Variants in CERS6 observed in about 807,000 individuals in gnomAD.
CERS6 encodes LAG1 homolog, ceramide synthase 6.
Under a neutral mutation model 56.8 loss-of-function variants are expected in CERS6, and 26 were observed. That is an observed-to-expected ratio of 0.46 (90% CI 0.34 to 0.63). The LOEUF (loss-of-function observed/expected upper bound fraction) is 0.63. CERS6 is among the 30% of genes least tolerant of loss of function. The pLI is 0.01. For missense variants in CERS6, 415 were observed against 467.5 expected (o/e 0.89, Z 1.04); for synonymous variants, 164 against 173.3 (o/e 0.95, Z 0.42).
At chr2:168,631,180 T>G in intron 4 of CERS6, 138 bp downstream of exon 4, 1 of 490,442 alleles carries the variant, frequency 2.0e-6, no homozygotes, top group Non-Finnish European at 3.7e-6. Context: ...TGCATTTTCA[T>G]TTGACTTACA....
intron 1 of CERS6, among the ~76,000 whole-genome samples, chr2:168,470,992 C>G (rs1180269385): frequency 2.0e-5 from 3 of 146,808 alleles, no homozygotes; most frequent in Non-Finnish European, 4.5e-5. Flanking sequence ...CTGTGGGTCT[C>G]TAAGCTTTAA....
intron 1 of CERS6, among the ~76,000 whole-genome samples, chr2:168,511,513 C>G: frequency 6.6e-6 from 1 of 152,096 alleles, no homozygotes; most frequent in East Asian, 1.9e-4. Flanking sequence ...TCTGAAATTT[C>G]CCAGTGTTGG....
chr2:168,769,149 A>G (rs1306026698), intron 9 of CERS6, among the ~76,000 whole-genome samples: 4 of 152,176 alleles, frequency 2.6e-5, no homozygotes, highest in African/African-American at 7.2e-5. Context: ...TGTGATCATC[A>G]ATGAGTAAAT....
intron 8 of CERS6, among the ~76,000 whole-genome samples, chr2:168,736,305 A>G (rs1683716509): frequency 6.6e-6 from 1 of 152,184 alleles, no homozygotes; most frequent in South Asian, 2.1e-4. Context: ...CATGTACACA[A>G]TGAGGACCTT....
chr2:168,480,441 T>C (rs150758674), intron 1 of CERS6, among the ~76,000 whole-genome samples: 355 of 152,276 alleles, frequency 2.3e-3, no homozygotes, highest in Non-Finnish European at 3.1e-3. Context: ...AAGAGAACTT[T>C]GAAATTATAA....
At chr2:168,487,658 A>AGCTACTTTTATGTGTTTTCCT (rs1665251651) in intron 1 of CERS6, among the ~76,000 whole-genome samples, 2 of 152,138 alleles carry the variant, frequency 1.3e-5, no homozygotes, top group African/African-American at 4.8e-5. Flanking sequence ...TTTTTTCTTA[A>AGCTACTTTTATGTGTTTTCCT]GCTACTTTTA....
chr2:168,460,376 T>C (rs764753398), intron 1 of CERS6, among the ~76,000 whole-genome samples: 5 of 152,008 alleles, frequency 3.3e-5, no homozygotes, highest in Non-Finnish European at 5.9e-5. Context: ...TTGTAATTTT[T>C]TGTAGAGATG....
At chr2:168,577,869 CTTTG>C (rs767842146) in intron 3 of CERS6, among the ~76,000 whole-genome samples, 98 of 152,220 alleles carry the variant, frequency 6.4e-4, no homozygotes, top group African/African-American at 2.2e-3. Context: ...TGATTAATTT[CTTTG>C]TTTGGCCTAT....
chr2:168,749,382 C>G (rs1045679207), intron 8 of CERS6, among the ~76,000 whole-genome samples: 3 of 152,190 alleles, frequency 2.0e-5, no homozygotes, highest in Non-Finnish European at 4.4e-5. Flanking sequence ...CAAGCCCATC[C>G]CATATAGGCA....
chr2:168,746,084 G>T (rs1163501253), intron 8 of CERS6, among the ~76,000 whole-genome samples: 1 of 152,162 alleles, frequency 6.6e-6, no homozygotes, highest in Non-Finnish European at 1.5e-5. Flanking sequence ...GGTTGAGTGG[G>T]CTCCCAGTGG....
At chr2:168,565,272 G>A (rs569002415) in intron 3 of CERS6, among the ~76,000 whole-genome samples, 5 of 152,262 alleles carry the variant, frequency 3.3e-5, no homozygotes, top group South Asian at 4.1e-4. Flanking sequence ...GATGCATTTC[G>A]CAATCACCTA....
At chr2:168,649,119 G>A (rs1304854250) in intron 4 of CERS6, among the ~76,000 whole-genome samples, 1 of 152,024 alleles carries the variant, frequency 6.6e-6, no homozygotes, top group Non-Finnish European at 1.5e-5. Flanking sequence ...GAGAAGGATG[G>A]GTCGTTAGCT....
chr2:168,534,834 G>T (rs1695231163), intron 1 of CERS6, among the ~76,000 whole-genome samples: 1 of 152,202 alleles, frequency 6.6e-6, no homozygotes, highest in Non-Finnish European at 1.5e-5. Context: ...AGGAGGAAAG[G>T]CTAAGTCTGC....
intron 3 of CERS6, among the ~76,000 whole-genome samples, chr2:168,620,009 A>C (rs1684422666): frequency 2.5e-5 from 1 of 39,398 alleles, no homozygotes; most frequent in African/African-American, 7.0e-5. Flanking sequence ...TGGTTCCACA[A>C]TCCATACACA....
At chr2:168,667,901 A>G (rs1165664443) in intron 4 of CERS6, among the ~76,000 whole-genome samples, 1 of 152,192 alleles carries the variant, frequency 6.6e-6, no homozygotes, top group African/African-American at 2.4e-5. Flanking sequence ...CCTTCTGTGA[A>G]GCTTGTTTGG....
intron 3 of CERS6, among the ~76,000 whole-genome samples, chr2:168,618,544 A>G (rs895427623): frequency 9.9e-5 from 15 of 152,214 alleles, no homozygotes; most frequent in Admixed American, 1.3e-4. Flanking sequence ...TCTGGATACA[A>G]AATTAATGTA....
At chr2:168,656,746 C>A (rs1213605762) in intron 4 of CERS6, among the ~76,000 whole-genome samples, 5 of 152,072 alleles carry the variant, frequency 3.3e-5, no homozygotes, top group African/African-American at 7.2e-5. Context: ...GGGACCCGAG[C>A]GGGTTGCCAC....
chr2:168,752,022 T>C (rs1400818143), intron 8 of CERS6, among the ~76,000 whole-genome samples: 1 of 152,216 alleles, frequency 6.6e-6, no homozygotes, highest in African/African-American at 2.4e-5. Flanking sequence ...CCTAGTCTTA[T>C]CTATCTTAAA....
At chr2:168,607,333 A>C (rs1684075851) in intron 3 of CERS6, among the ~76,000 whole-genome samples, 1 of 152,122 alleles carries the variant, frequency 6.6e-6, no homozygotes, top group Non-Finnish European at 1.5e-5. Flanking sequence ...TTTTTAAAAA[A>C]ACTCTTTTAA....
Sources: gnomAD v4.1 joint callset for allele counts (sites outside exome capture counted in the v4.1 genomes callset) on GRCh38, gnomAD v4.1.1 for gene constraint, MANE v1.5 for transcripts, NCBI Gene and HGNC (gene_info 2026-07-23, HGNC 2026-07-21) for gene names.